ABCC4: variants seen among roughly 807,000 people sequenced by gnomAD.
ABCC4 encodes ATP-binding cassette sub-family C member 4.
ABCC4 carries 102 observed loss-of-function variants against 168.5 expected under a neutral mutation model. That is an observed-to-expected ratio of 0.61 (90% CI 0.52 to 0.71). ABCC4 has a LOEUF of 0.71. Ranked by LOEUF, ABCC4 falls within the 30% of genes least tolerant of loss-of-function variation. The probability of loss-of-function intolerance (pLI) is 0.00; values close to 1 mark genes in which losing one functional copy is unlikely to be tolerated. For missense variants in ABCC4, 1,402 were observed against 1,605.8 expected (o/e 0.87, Z 2.17); for synonymous variants, 617 against 590.7 (o/e 1.04, Z -0.65).
chr13:95,286,786 T>G (rs563660778), intron 1 of ABCC4, among the ~76,000 whole-genome samples: 9 of 151,100 alleles, frequency 6.0e-5, no homozygotes, highest in East Asian at 2.0e-4. Flanking sequence ...GTGAAACCCC[T>G]TGTCTACTAA....
chr13:95,230,292 C>T (rs756635377), intron 4 of ABCC4, among the ~76,000 whole-genome samples: 10 of 152,136 alleles, frequency 6.6e-5, no homozygotes, highest in Non-Finnish European at 1.0e-4. Flanking sequence ...CAAATTAAAG[C>T]TAGTCATGAT....
At chr13:95,249,877 T>G (rs2040210043) in intron 1 of ABCC4, among the ~76,000 whole-genome samples, 1 of 152,216 alleles carries the variant, frequency 6.6e-6, no homozygotes, top group Admixed American at 6.5e-5. Flanking sequence ...AACAGTTAAC[T>G]GCATAACATT....
chr13:95,107,257 A>G (rs1322908211), intron 20 of ABCC4, among the ~76,000 whole-genome samples: 1 of 152,166 alleles, frequency 6.6e-6, no homozygotes, highest in Non-Finnish European at 1.5e-5. Context: ...AACTCCTCTC[A>G]AAAAAACAAA....
chr13:95,166,374 T>C lies in ABCC4; in HGVS notation c.1825-7A>G, dbSNP rs11568696. The stretch of plus-strand genomic sequence containing the variant: ...CCTTCTGCACCATTTTACCCTAAAA[T>C]AAAAATAAAGAATTTCAGAGAGATA... On this transcript the variant is annotated splice_polypyrimidine_tract_variant and splice_region_variant and intron_variant, in intron 14 of 30. Coordinates refer to ENST00000645237, the MANE Select transcript of ABCC4 (RefSeq NM_005845.5). 1.3e-3 allele frequency: 2,161 copies of C among 1,607,130 alleles called. 31 individuals carry two copies. The African/African-American group carries it at 0.026, about 19-fold the overall frequency.
At chr13:95,169,332 G>A (rs1274366489) in intron 14 of ABCC4, among the ~76,000 whole-genome samples, 1 of 152,142 alleles carries the variant, frequency 6.6e-6, no homozygotes, top group East Asian at 1.9e-4. Flanking sequence ...TACTTCTGCT[G>A]TAGCTCCTCC....
intron 19 of ABCC4, among the ~76,000 whole-genome samples, chr13:95,160,797 T>C (rs1033045384): frequency 1.3e-4 from 20 of 152,178 alleles, no homozygotes; most frequent in Admixed American, 1.3e-3. Flanking sequence ...CAAAGATCCC[T>C]CTGAAAAATG....
At chr13:95,294,973 A>T (rs551085371) in intron 1 of ABCC4, among the ~76,000 whole-genome samples, 4 of 152,264 alleles carry the variant, frequency 2.6e-5, no homozygotes, top group African/African-American at 9.6e-5. Context: ...AAAAATTAAA[A>T]ACAAAAAATA....
intron 19 of ABCC4, among the ~76,000 whole-genome samples, chr13:95,122,348 A>G (rs984845472): frequency 6.6e-6 from 1 of 152,162 alleles, no homozygotes; most frequent in African/African-American, 2.4e-5. Context: ...GACCCACAAC[A>G]ACCCACGCCT....
intron 21 of ABCC4, among the ~76,000 whole-genome samples, chr13:95,078,412 C>A (rs899579114): frequency 1.2e-5 from 1 of 84,212 alleles, no homozygotes. Context: ...GACTATGTCT[C>A]AAAAAAACAA....
At chr13:95,226,429 A>G (rs754861478) in intron 4 of ABCC4, among the ~76,000 whole-genome samples, 10 of 152,176 alleles carry the variant, frequency 6.6e-5, no homozygotes, top group Admixed American at 1.3e-4. Flanking sequence ...GATCAACAAA[A>G]CAGAATAGAG....
intron 1 of ABCC4, among the ~76,000 whole-genome samples, chr13:95,294,376 A>C (rs532199352): frequency 6.6e-6 from 1 of 151,976 alleles, no homozygotes; most frequent in Non-Finnish European, 1.5e-5. Flanking sequence ...AAAGAAAACA[A>C]GAAACCAAGA....
chr13:95,071,345 A>T (rs2033717397), intron 25 of ABCC4, among the ~76,000 whole-genome samples: 1 of 152,172 alleles, frequency 6.6e-6, no homozygotes, highest in Admixed American at 6.5e-5. Flanking sequence ...AACAAAGTAA[A>T]AATCGACAGA....
At chr13:95,162,052 A>G (rs890699422) in intron 18 of ABCC4, among the ~76,000 whole-genome samples, 3 of 152,232 alleles carry the variant, frequency 2.0e-5, no homozygotes, top group African/African-American at 7.2e-5. Flanking sequence ...TCACAATGCT[A>G]AATACAGTGG....
intron 1 of ABCC4, among the ~76,000 whole-genome samples, chr13:95,257,457 C>T (rs2040420260): frequency 6.6e-6 from 1 of 152,050 alleles, no homozygotes; most frequent in Non-Finnish European, 1.5e-5. Flanking sequence ...CACTTGGGGT[C>T]AGGAGTTCAA....
rs2037430791 is a variant in ABCC4, at chr13:95,170,526, A to G, written c.1824+6T>C. 5.0e-6 allele frequency: 8 copies of G among 1,600,668 alleles called. No homozygotes were observed. The highest frequency in any genetic ancestry group is 6.8e-6 in the Non-Finnish European group (8 of 1,171,116). ...CAAGTTCGGGAGACCTCTAGAAACT[A>G]CTTACATCTTTCAATATCAGAATCT... On this transcript the variant is annotated splice_donor_region_variant and intron_variant, in intron 14 of 30. Transcript: ENST00000645237.
intron 19 of ABCC4, among the ~76,000 whole-genome samples, chr13:95,132,667 G>A (rs2036009860): frequency 6.6e-6 from 1 of 152,014 alleles, no homozygotes; most frequent in East Asian, 1.9e-4. Flanking sequence ...TCAGTTGGTT[G>A]AATCTGAGCA....
chr13:95,064,513 ATG>A (rs3046394), intron 25 of ABCC4, among the ~76,000 whole-genome samples: 87,634 of 148,484 alleles, frequency 0.59, 25,910 homozygotes, highest in South Asian at 0.75. Flanking sequence ...GTATGTGTGT[ATG>A]TGTGTGTGTG....
At chr13:95,081,133 C>G (rs1170720222) in intron 21 of ABCC4, among the ~76,000 whole-genome samples, 1 of 147,106 alleles carries the variant, frequency 6.8e-6, no homozygotes, top group Admixed American at 6.8e-5. Context: ...CAGGAACACC[C>G]AAATATGCCT....
At chr13:95,173,773 C>G (rs1290673067) in intron 13 of ABCC4, among the ~76,000 whole-genome samples, 2 of 152,160 alleles carry the variant, frequency 1.3e-5, no homozygotes, top group Admixed American at 1.3e-4. Flanking sequence ...ACCCTAATCA[C>G]CAATGTAATG....
Sources: allele counts gnomAD v4.1 joint callset (sites outside exome capture counted in the v4.1 genomes callset), GRCh38; gene constraint gnomAD v4.1.1; transcripts MANE v1.5; gene names NCBI Gene and HGNC (gene_info 2026-07-23, HGNC 2026-07-21).